The following ESRRG variants were observed in gnomAD, a reference collection of about 807,000 sequenced individuals.
ESRRG encodes the protein estrogen related receptor gamma, also known as estrogen-related receptor gamma.
A neutral mutation model predicts 44.0 loss-of-function variants in ESRRG; 13 were observed. The ratio of observed to expected loss-of-function variants is 0.30; its 90% CI spans 0.19 to 0.47. ESRRG has a LOEUF of 0.47. Ranked by LOEUF, ESRRG falls within the 20% of genes least tolerant of loss-of-function variation. The pLI is 1.00. For missense variants in ESRRG, 395 were observed against 580.6 expected, an observed-to-expected ratio of 0.68 and a Z score of 3.29; for synonymous variants, 215 against 214.6, an observed-to-expected ratio of 1.00 and a Z score of -0.02.
intron 1 of ESRRG, among the ~76,000 whole-genome samples, chr1:217,017,017 G>A (rs941453597): frequency 6.6e-6 from 1 of 152,176 alleles, no homozygotes; most frequent in African/African-American, 2.4e-5. Flanking sequence ...AATAAGTGAT[G>A]TAGGGCTTTA....
intron 2 of ESRRG, among the ~76,000 whole-genome samples, chr1:216,761,794 T>C (rs2092791373): frequency 6.6e-6 from 1 of 152,158 alleles, no homozygotes; most frequent in Admixed American, 6.6e-5. Flanking sequence ...ACAAGTCCTT[T>C]CTTCCTTTCC....
chr1:216,634,921 A>G lies in ESRRG; in HGVS notation c.589+16052T>C, dbSNP rs149094021. 2.3e-3 allele frequency among the ~76,000 whole-genome samples: 357 copies of G among 152,272 alleles called. 1 individual carries two copies. Among genetic ancestry groups the G allele is most frequent in the Non-Finnish European group, 3.8e-3 (259 of 68,014 alleles). On this transcript the variant is annotated intron_variant, in intron 3 of 6. Coordinates refer to ENST00000408911, the MANE Select transcript of ESRRG (RefSeq NM_001438.4). ...TTTAAGGGGAACAGAAAACAAAGTC[A>G]TCTGCACTATGGAAGCCTATTTTTT...
Position 216,898,134 on chromosome 1 carries a change from T to C in ESRRG, c.-14+41448A>G, listed in dbSNP as rs897083869. On this transcript the variant is annotated intron_variant, in intron 2 of 7. Transcript: ENST00000359162. ...GGGGGAAAAAATCAGAAAGATCTGA[T>C]TTTAGATTTTTAGTCAAACTAAGCA... is the stretch of plus-strand genomic sequence containing the variant. 3.3e-5 allele frequency among the ~76,000 whole-genome samples: 5 copies of C among 152,142 alleles called. 1 individual carries two copies. The highest frequency in any genetic ancestry group is 1.2e-4 in the African/African-American group (5 of 41,450).
intron 1 of ESRRG, among the ~76,000 whole-genome samples, chr1:216,940,666 C>T (rs992896673): frequency 6.6e-6 from 1 of 152,154 alleles, no homozygotes; most frequent in African/African-American, 2.4e-5. Flanking sequence ...GGGGAGTGAA[C>T]ACCTCAAAGA....
intron 2 of ESRRG, among the ~76,000 whole-genome samples, chr1:216,873,157 G>A (rs1487357410): frequency 6.6e-6 from 1 of 150,902 alleles, no homozygotes; most frequent in Non-Finnish European, 1.5e-5. Flanking sequence ...GCTAAATTAG[G>A]ATTGGATTCT....
chr1:217,058,678 T>A (rs1378256667), intron 1 of ESRRG, among the ~76,000 whole-genome samples: 1 of 152,040 alleles, frequency 6.6e-6, no homozygotes, highest in Non-Finnish European at 1.5e-5. Context: ...CTCCTGAGAT[T>A]ACTGTGCATA....
At chr1:216,522,233 A>T (rs2046310537) in intron 5 of ESRRG, among the ~76,000 whole-genome samples, 1 of 150,508 alleles carries the variant, frequency 6.6e-6, no homozygotes, top group African/African-American at 2.4e-5. Context: ...AGAGAAGGAA[A>T]AAAGGGGAAG....
At chr1:216,580,863 T>C (rs1230943692) in intron 3 of ESRRG, among the ~76,000 whole-genome samples, 1 of 152,240 alleles carries the variant, frequency 6.6e-6, no homozygotes, top group East Asian at 1.9e-4. Context: ...GAAGCCTTTC[T>C]GGCACAGGTT....
intron 1 of ESRRG, among the ~76,000 whole-genome samples, chr1:217,015,998 A>C (rs2079323718): frequency 6.6e-6 from 1 of 152,048 alleles, no homozygotes; most frequent in Non-Finnish European, 1.5e-5. Context: ...TAAAGTGAGA[A>C]AGAAATATGC....
chr1:217,001,703 G>A (rs2077053846), intron 1 of ESRRG, among the ~76,000 whole-genome samples: 1 of 152,162 alleles, frequency 6.6e-6, no homozygotes, highest in South Asian at 2.1e-4. Flanking sequence ...GAGACAATGA[G>A]AGGAGAGGAG....
At chr1:216,635,198 C>A (rs2065051394) in intron 3 of ESRRG, among the ~76,000 whole-genome samples, 1 of 152,132 alleles carries the variant, frequency 6.6e-6, no homozygotes, top group African/African-American at 2.4e-5. Flanking sequence ...GGAAAGGTAG[C>A]AGGGGAAGGA....
intron 2 of ESRRG, among the ~76,000 whole-genome samples, chr1:216,749,385 C>A (rs72739408): frequency 0.017 from 2,560 of 152,226 alleles, 28 homozygotes; most frequent in Non-Finnish European, 0.026. Context: ...CTTCCTGGAT[C>A]TCTGACTGAA....
At position 216,505,073 on chromosome 1, in the gene ESRRG, A is replaced by G. The variant is rs2040966643; in HGVS notation, c.*1866T>C. 6.6e-6 allele frequency: 1 copy of G among 152,662 alleles called. No individual in the cohort carries two copies. Among genetic ancestry groups the G allele is most frequent in the Non-Finnish European group, 1.5e-5 (1 of 68,036 alleles). The allele number at this position is 152,662 out of a possible 1,614,324, so 9.5% of individuals were successfully genotyped here. A position where few individuals can be genotyped will look rare whatever the true frequency, so the allele number is the denominator to read the frequency against. ...AGCACAGCAAACATGAAACATTGAAAAGCTGAACTACATTTCTTTTGTTTG... is the reference window on the plus strand; with the variant it reads ...AGCACAGCAAACATGAAACATTGAAGAGCTGAACTACATTTCTTTTGTTTG... On this transcript the variant is annotated 3_prime_UTR_variant, in exon 7 of 7. Transcript: ENST00000408911.
chr1:216,558,821 A>G (rs2149475741), intron 5 of ESRRG, among the ~76,000 whole-genome samples: 1 of 152,138 alleles, frequency 6.6e-6, no homozygotes, highest in Admixed American at 6.6e-5. Context: ...ATTAAAAATA[A>G]CCTTTAAATA....
intron 3 of ESRRG, among the ~76,000 whole-genome samples, chr1:216,587,873 T>C (rs1274115941): frequency 1.3e-5 from 2 of 152,182 alleles, no homozygotes; most frequent in South Asian, 2.1e-4. Flanking sequence ...GCATTATTGC[T>C]GAAGTGTGTC....
At chr1:216,795,342 C>CTTTTTTTTTTTTT (rs35142972) in intron 2 of ESRRG, among the ~76,000 whole-genome samples, 2 of 105,442 alleles carry the variant, frequency 1.9e-5, no homozygotes, top group African/African-American at 4.0e-5. Flanking sequence ...TTTTCTTTTT[C>CTTTTTTTTTTTTT]TTTTTTTTTT....
intron 1 of ESRRG, among the ~76,000 whole-genome samples, chr1:217,062,324 G>A (rs923519764): frequency 2.6e-5 from 4 of 152,144 alleles, no homozygotes; most frequent in African/African-American, 9.7e-5. Context: ...CTTTATAAGA[G>A]TGAGAAGGAT....
intron 3 of ESRRG, among the ~76,000 whole-genome samples, chr1:216,620,459 T>C (rs2062041767): frequency 6.6e-6 from 1 of 152,216 alleles, no homozygotes; most frequent in South Asian, 2.1e-4. Flanking sequence ...CACTCATTTA[T>C]TCCATTGTTC....
chr1:216,807,128 T>C (rs769105157), intron 2 of ESRRG, among the ~76,000 whole-genome samples: 1 of 152,212 alleles, frequency 6.6e-6, no homozygotes, highest in Non-Finnish European at 1.5e-5. Flanking sequence ...ACTTACGCCA[T>C]GGTTTGACAT....
Sources: allele counts gnomAD v4.1 joint callset (sites outside exome capture counted in the v4.1 genomes callset), GRCh38; gene constraint gnomAD v4.1.1; transcripts MANE v1.5; gene names NCBI Gene and HGNC (gene_info 2026-07-23, HGNC 2026-07-21).